The following FAM222B variants were observed in gnomAD, a reference collection of about 807,000 sequenced individuals.
FAM222B encodes the protein protein FAM222B.
Under a neutral mutation model 38.0 loss-of-function variants are expected in FAM222B, and 12 were observed. That is an observed-to-expected ratio of 0.32 (90% CI 0.20 to 0.51). The LOEUF is 0.51. FAM222B is among the 20% of genes least tolerant of loss of function. FAM222B has a pLI of 0.97. For missense variants in FAM222B, 716 were observed against 754.2 expected, an observed-to-expected ratio of 0.95 and a Z score of 0.59; for synonymous variants, 329 against 317.2, an observed-to-expected ratio of 1.04 and a Z score of -0.40.
intron 2 of FAM222B, among the ~76,000 whole-genome samples, chr17:28,764,904 T>C (rs899914148): frequency 3.3e-5 from 5 of 152,164 alleles, no homozygotes; most frequent in African/African-American, 7.2e-5. Context: ...AAGCTTCTCT[T>C]TGTCATCTTA....
At position 28,784,586 on chromosome 17, in the gene FAM222B, C is replaced by T. The variant is rs184490871; in HGVS notation, c.-40-17879G>A. Among the ~76,000 whole-genome samples the T allele has an allele frequency of 6.9e-5, 10 of 145,566 alleles. No homozygotes were observed. The East Asian group carries it at 2.2e-3, about 31-fold the overall frequency. On this transcript the variant is annotated intron_variant, in intron 1 of 2. Transcript: ENST00000581407. The stretch of plus-strand genomic sequence containing the variant: ...GGGCGCGGTGGCTCACGCCTGTAAT[C>T]CCAGCACTCTGGGAGGCTGAGGTGG...
intron 2 of FAM222B, among the ~76,000 whole-genome samples, chr17:28,765,614 T>C (rs1011145906): frequency 1.3e-5 from 2 of 152,200 alleles, no homozygotes; most frequent in Non-Finnish European, 2.9e-5. Context: ...GAAGATACTA[T>C]ACATGGTAAT....
chr17:28,826,081 T>C (rs1211517227), intron 1 of FAM222B, among the ~76,000 whole-genome samples: 1 of 148,994 alleles, frequency 6.7e-6, no homozygotes, highest in Non-Finnish European at 1.5e-5. Context: ...TTTTTTGTTG[T>C]TTTTTTGAGA....
At chr17:28,760,010 C>G (rs951885280) in intron 2 of FAM222B, 134 bp from the exon 3 acceptor site, 2 of 872,422 alleles carry the variant, frequency 2.3e-6, no homozygotes, top group Admixed American at 6.1e-5. Context: ...CATCTGTAGC[C>G]TTCATTCGAG....
intron 1 of FAM222B, among the ~76,000 whole-genome samples, chr17:28,795,920 C>T (rs2036920603): frequency 6.6e-6 from 1 of 152,128 alleles, no homozygotes. Context: ...AGGGTATGAT[C>T]TCAGAATGTA....
intron 2 of FAM222B, among the ~76,000 whole-genome samples, chr17:28,760,757 C>T (rs1454073252): frequency 6.6e-6 from 1 of 152,136 alleles, no homozygotes; most frequent in Non-Finnish European, 1.5e-5. Flanking sequence ...TCAGCTTTCC[C>T]TTGCATCTTG....
upstream of FAM222B, among the ~76,000 whole-genome samples, chr17:28,847,696 C>G (rs1255986959): frequency 6.6e-6 from 1 of 151,886 alleles, no homozygotes; most frequent in Non-Finnish European, 1.5e-5. Context: ...GGGCAGATCA[C>G]GAGGTCAGGA....
chr17:28,806,597 A>G (rs2037508204), intron 1 of FAM222B, among the ~76,000 whole-genome samples: 1 of 152,198 alleles, frequency 6.6e-6, no homozygotes, highest in Admixed American at 6.5e-5. Flanking sequence ...CCCTGTCTCA[A>G]AACAAAACAA....
chr17:28,779,854 C>G (rs7217547), intron 1 of FAM222B, among the ~76,000 whole-genome samples: 39,016 of 151,986 alleles, frequency 0.26, 5,522 homozygotes, highest in African/African-American at 0.37. Context: ...GGTATAAAAG[C>G]AATGTACCTC....
chr17:28,774,634 T>C (rs1462214268), intron 1 of FAM222B, among the ~76,000 whole-genome samples: 1 of 152,016 alleles, frequency 6.6e-6, no homozygotes, highest in Non-Finnish European at 1.5e-5. Flanking sequence ...TTTATTAGAG[T>C]TCTGATGTCA....
At chr17:28,847,376 C>A (rs1357672286), upstream of FAM222B, among the ~76,000 whole-genome samples, 1 of 151,404 alleles carries the variant, frequency 6.6e-6, no homozygotes, top group African/African-American at 2.4e-5. Flanking sequence ...AGGCGGATCA[C>A]GAGGTCAGGA....
chr17:28,764,220 C>T (rs537181400), intron 2 of FAM222B, among the ~76,000 whole-genome samples: 1 of 141,518 alleles, frequency 7.1e-6, no homozygotes, highest in Non-Finnish European at 1.5e-5. Flanking sequence ...TGCAGTGAAC[C>T]GAGATTGCGC....
chr17:28,813,524 C>CTTTTTTTTTTTTTTT (rs36026990), intron 1 of FAM222B, among the ~76,000 whole-genome samples: 1 of 147,718 alleles, frequency 6.8e-6, no homozygotes, highest in Non-Finnish European at 1.5e-5. Flanking sequence ...ACAGTTGTTT[C>CTTTTTTTTTTTTTTT]TTTTTTTTTT....
At position 28,850,588 on chromosome 17, in the gene FAM222B, G is replaced by A. The variant is rs545000384; in HGVS notation, c.-41+4362C>T. Among the ~76,000 whole-genome samples the A allele has an allele frequency of 1.1e-4, 17 of 152,186 alleles. No homozygotes were observed. The East Asian group carries it at 1.2e-3, about 10-fold the overall frequency. On this transcript the variant is annotated intron_variant, in intron 1 of 2. Coordinates refer to the FAM222B transcript ENST00000577513. The stretch of plus-strand genomic sequence containing the variant: ...GCTGGGATTAGAGGCTTGAGCCACC[G>A]CGCCCGGCCGGCCACATGAGTTTCT...
chr17:28,766,648 C>T lies in FAM222B; in HGVS notation c.20G>A (p.Gly7Glu). 1 of 1,605,122 alleles carries T rather than the reference C, an allele frequency of 6.2e-7. No individual in the cohort carries two copies. The highest frequency in any genetic ancestry group is 8.5e-7 in the Non-Finnish European group (1 of 1,175,788). Residue 7 changes from glycine to glutamate, a missense_variant, in exon 2 of 3, where the codon GGG becomes GAG. Gly to Glu is a moderately conservative substitution (Grantham distance 98). Coordinates refer to ENST00000581407, the MANE Select transcript of FAM222B (RefSeq NM_001077498.3). Reference protein sequence around the residue: MLACLPGPGDLSFQLLS... With the variant: MLACLPEPGDLSFQLLS... ...AAGCTGAAAGGACAGGTCACCTGGC[C>T]CTGGTAGACAGGCTAGCATGGCAGA... is the stretch of plus-strand genomic sequence containing the variant.
chr17:28,802,635 T>C (rs1003348744), intron 1 of FAM222B: 4 of 175,306 alleles, frequency 2.3e-5, no homozygotes, highest in East Asian at 1.3e-4. Flanking sequence ...GATGCACACA[T>C]TGATAGCAGG....
intron 1 of FAM222B, among the ~76,000 whole-genome samples, chr17:28,789,054 CCTTT>C (rs1275253692): frequency 1.4e-5 from 2 of 138,188 alleles, no homozygotes; most frequent in African/African-American, 5.5e-5. Flanking sequence ...CCCGGCCTTG[CCTTT>C]CTTTTATCTC....
At chr17:28,825,256 A>T (rs2038395556) in intron 1 of FAM222B, among the ~76,000 whole-genome samples, 1 of 151,750 alleles carries the variant, frequency 6.6e-6, no homozygotes, top group East Asian at 1.9e-4. Flanking sequence ...AACATGGTGA[A>T]ATCTGGTCTC....
intron 1 of FAM222B, among the ~76,000 whole-genome samples, chr17:28,819,167 CA>C (rs1325074117): frequency 6.6e-6 from 1 of 152,188 alleles, no homozygotes; most frequent in Non-Finnish European, 1.5e-5. Context: ...ATAATCAAGG[CA>C]AACAATAAAA....
Sources: allele counts gnomAD v4.1 joint callset (sites outside exome capture counted in the v4.1 genomes callset), GRCh38; gene constraint gnomAD v4.1.1; transcripts MANE v1.5; gene names NCBI Gene and HGNC (gene_info 2026-07-23, HGNC 2026-07-21).